PLEK2: variants seen among roughly 807,000 people sequenced by gnomAD.
The protein encoded by PLEK2 is pleckstrin 2.
In PLEK2, 29 loss-of-function variants were observed where a neutral mutation model predicts 43.8. The ratio of observed to expected loss-of-function variants is 0.66; its 90% confidence interval spans 0.49 to 0.90. The LOEUF (loss-of-function observed/expected upper bound fraction) is 0.90. PLEK2 is among the 40% of genes least tolerant of loss of function. The pLI is 0.00. For missense variants in PLEK2, 398 were observed against 448.1 expected, an observed-to-expected ratio of 0.89 and a Z score of 1.01; for synonymous variants, 162 against 173.2, an observed-to-expected ratio of 0.94 and a Z score of 0.51.
At position 67,395,476 on chromosome 14, in the gene PLEK2, T is replaced by C; in HGVS notation, c.315A>G (p.Ala105=). The C allele has an allele frequency of 6.2e-7, 1 of 1,614,050 alleles. No homozygotes were observed. Among genetic ancestry groups the C allele is most frequent in the Non-Finnish European group, 8.5e-7 (1 of 1,179,926 alleles). Residue 105 remains alanine (A), a synonymous_variant, in exon 3 of 9, where the codon GCA becomes GCG. Coordinates refer to ENST00000216446, the MANE Select transcript of PLEK2 (RefSeq NM_016445.3). ...WAFEITGAIH[A]GQPGKVQQLH... The stretch of plus-strand genomic sequence containing the variant: ...GCTGCTGGACCTTCCCCGGCTGCCC[T>C]GCATGAATAGCCCCGGTGATCTCAA...
At chr14:67,411,361 C>G (rs1432472068) in intron 1 of PLEK2, among the ~76,000 whole-genome samples, 2 of 152,028 alleles carry the variant, frequency 1.3e-5, no homozygotes, top group African/African-American at 4.8e-5. Context: ...GAGCTCTGGG[C>G]AAGCTACTTC....
intron 2 of PLEK2, among the ~76,000 whole-genome samples, chr14:67,396,061 C>T (rs544931539): frequency 1.9e-4 from 29 of 152,306 alleles, no homozygotes; most frequent in African/African-American, 6.7e-4. Context: ...TTTCCTGTGT[C>T]TAAGCATCAA....
chr14:67,405,911 G>A (rs905301762), intron 1 of PLEK2, among the ~76,000 whole-genome samples: 2 of 152,150 alleles, frequency 1.3e-5, no homozygotes, highest in African/African-American at 2.4e-5. Context: ...TTGCAGCTAC[G>A]CTGTTACTGG....
rs897469793 is a variant in PLEK2, at chr14:67,387,141, T to A, written c.*188A>T. On this transcript the variant is annotated 3_prime_UTR_variant, in exon 9 of 9. Transcript: ENST00000216446. ...GGCTGTTCTAGCCTTTCCAGGTTTG[T>A]AACATGAAGATGGGGAAGGAAATGG... The A allele has an allele frequency of 2.0e-6, 1 of 508,816 alleles. No homozygotes were observed. The highest frequency in any genetic ancestry group is 3.4e-6 in the Non-Finnish European group (1 of 296,954). 31.5% of individuals were successfully genotyped at this position (508,816 alleles called of 1,614,324 possible).
At position 67,392,709 on chromosome 14, in the gene PLEK2, C is replaced by T. The variant is rs778742378; in HGVS notation, c.622G>A (p.Asp208Asn). The T allele has an allele frequency of 3.1e-6, 5 of 1,614,104 alleles. 1 individual carries two copies. In the South Asian group the frequency reaches 4.4e-5, roughly 14 times the overall value. ...VRSMGAIRSG[D>N]LAEQFLDDST... Reference sequence around the variant, plus strand: ...TCATCCAGGAACTGCTCGGCCAGATCCCCAGAGCGAATGGCTCCCATGCTT... The same window carrying T: ...TCATCCAGGAACTGCTCGGCCAGATTCCCAGAGCGAATGGCTCCCATGCTT... The change falls in exon 5 of 9, where the codon GAT becomes AAT. Residue 208 changes from aspartate to asparagine, a missense_variant. Coordinates refer to ENST00000216446, the MANE Select transcript of PLEK2 (RefSeq NM_016445.3).
chr14:67,389,775 CTT>C (rs74368440), intron 7 of PLEK2, among the ~76,000 whole-genome samples: 1,786 of 137,318 alleles, frequency 0.013, 32 homozygotes, highest in African/African-American at 0.04. Flanking sequence ...TGTTTTTTTT[CTT>C]TTTTTTTTTT....
chr14:67,392,296 ATC>A (rs2085974680), intron 6 of PLEK2, 28 bp downstream of exon 6: 2 of 1,385,522 alleles, frequency 1.4e-6, no homozygotes, highest in African/African-American at 1.4e-5. Context: ...AGAACTGTCC[ATC>A]TCTCTTCCCT....
rs530157668 is a variant in PLEK2, at chr14:67,397,658, T to A, written c.207+4A>T. 3.1e-6 allele frequency: 5 copies of A among 1,608,248 alleles called. No individual in the cohort carries two copies. Among genetic ancestry groups the A allele is most frequent in the Non-Finnish European group, 4.2e-6 (5 of 1,177,120 alleles). On this transcript the variant is annotated splice_donor_region_variant and intron_variant, in intron 2 of 8. Coordinates refer to ENST00000216446, the MANE Select transcript of PLEK2 (RefSeq NM_016445.3). ...GGAGCTGGACAGCAGGGGCCATCAC[T>A]TACCGGTCGGTTTTCATACTCCAGG...
At chr14:67,399,293 G>A (rs111382098) in intron 1 of PLEK2, among the ~76,000 whole-genome samples, 47 of 142,060 alleles carry the variant, frequency 3.3e-4, no homozygotes, top group African/African-American at 6.6e-4. Flanking sequence ...CAGGTGGCAG[G>A]AATAAAGAGA....
chr14:67,398,532 A>G (rs1381841088), intron 1 of PLEK2, among the ~76,000 whole-genome samples: 1 of 149,622 alleles, frequency 6.7e-6, no homozygotes, highest in Non-Finnish European at 1.5e-5. Context: ...TATTTCTGCC[A>G]CCTGAGAACC....
intron 4 of PLEK2, 72 bp downstream of exon 4, chr14:67,393,078 A>G: frequency 8.2e-7 from 1 of 1,217,640 alleles, no homozygotes; most frequent in Non-Finnish European, 1.2e-6. Flanking sequence ...AGGGCGGTCA[A>G]GCACACAGCT....
chr14:67,395,613 C>A (rs1423153365), intron 2 of PLEK2, 30 bp from the exon 3 acceptor site: 2 of 1,607,356 alleles, frequency 1.2e-6, no homozygotes, highest in Admixed American at 3.3e-5. Context: ...GTCAGGCCAG[C>A]ACTCAGGCAG....
chr14:67,395,303 T>C, intron 3 of PLEK2, 99 bp downstream of exon 3: 1 of 1,013,926 alleles, frequency 9.9e-7, no homozygotes, highest in Non-Finnish European at 1.5e-6. Context: ...CCAGCCAGAC[T>C]GTGCAGCAAG....
intron 3 of PLEK2, among the ~76,000 whole-genome samples, chr14:67,394,633 C>G (rs1302589785): frequency 6.6e-6 from 1 of 152,080 alleles, no homozygotes; most frequent in African/African-American, 2.4e-5. Context: ...TGGATTCATA[C>G]ATCTTTGATG....
rs368381209 is a variant in PLEK2 at position 67,397,089 on chromosome 14, C to T, written c.207+573G>A. Among the ~76,000 whole-genome samples, 17 of 152,236 alleles carry T rather than the reference C, an allele frequency of 1.1e-4. 1 individual carries two copies. The East Asian group carries it at 1.5e-3, about 14-fold the overall frequency. ...AAGTAGCTGGGATTACAGGCCACTG[C>T]GACCACGCTCAGCTAGTTTTTGTAT... On this transcript the variant is annotated intron_variant, in intron 2 of 8. Coordinates refer to ENST00000216446, the MANE Select transcript of PLEK2 (RefSeq NM_016445.3).
intron 1 of PLEK2, among the ~76,000 whole-genome samples, chr14:67,401,216 G>A (rs2086046122): frequency 6.6e-6 from 1 of 152,106 alleles, no homozygotes; most frequent in Admixed American, 6.5e-5. Context: ...GTTGGCTGCG[G>A]TGGCTCAGGC....
Position 67,412,010 on chromosome 14 carries a change from G to C in PLEK2, c.42+8C>G. The C allele has an allele frequency of 1.3e-6, 2 of 1,547,890 alleles. No homozygotes were observed. The highest frequency in any genetic ancestry group is 2.6e-5 in the East Asian group (1 of 38,220). On this transcript the variant is annotated splice_region_variant and intron_variant, in intron 1 of 8. Coordinates refer to ENST00000216446, the MANE Select transcript of PLEK2 (RefSeq NM_016445.3). ...CGGGCAATGTCCCGAAGCTCGACGC[G>C]CACTCACCCTCTTGACCAGGAAGCC...
rs1329753930 is a variant in PLEK2, at chr14:67,390,720, C to A, written c.798G>T (p.Val266=). Residue 266 remains valine, a synonymous_variant, in exon 7 of 9, where the codon GTG becomes GTT. Transcript: ENST00000216446. ...GATCCTTCCTTAGAACAAAGCGACG[C>A]ACCTTCCAGTTTTTCCTCTTGTGTC... The part of the protein sequence containing the change: ...KQGHKRKNWK[V]RRFVLRKDPA... 6.2e-7 allele frequency: 1 copy of A among 1,613,652 alleles called. No homozygotes were observed. Among genetic ancestry groups the A allele is most frequent in the African/African-American group, 1.3e-5 (1 of 74,900 alleles).
At chr14:67,402,134 A>C (rs1216852681) in intron 1 of PLEK2, among the ~76,000 whole-genome samples, 1 of 152,170 alleles carries the variant, frequency 6.6e-6, no homozygotes, top group African/African-American at 2.4e-5. Flanking sequence ...AGTCCATCTC[A>C]AACAACAACA....
Sources: gnomAD v4.1 joint callset for allele counts (sites outside exome capture counted in the v4.1 genomes callset) on GRCh38, gnomAD v4.1.1 for gene constraint, MANE v1.5 for transcripts, NCBI Gene and HGNC (gene_info 2026-07-23, HGNC 2026-07-21) for gene names.